ATP9B: variants seen among roughly 807,000 people sequenced by gnomAD.
ATP9B encodes probable phospholipid-transporting ATPase IIB.
ATP9B carries 110 observed loss-of-function variants against 146.1 expected under a neutral mutation model. That is an observed-to-expected ratio of 0.75 (90% CI 0.65 to 0.88). ATP9B has a LOEUF of 0.88. ATP9B is among the 40% of genes least tolerant of loss of function. The probability of loss-of-function intolerance (pLI) is 0.00; values close to 1 mark genes in which losing one functional copy is unlikely to be tolerated. For missense variants in ATP9B, 1,499 were observed against 1,496.4 expected (o/e 1.00, Z -0.03); for synonymous variants, 604 against 569.7 (o/e 1.06, Z -0.86).
chr18:79,160,692 C>T (rs974294261), intron 7 of ATP9B, among the ~76,000 whole-genome samples: 1 of 152,190 alleles, frequency 6.6e-6, no homozygotes, highest in Non-Finnish European at 1.5e-5. Context: ...AATCTGAGGG[C>T]TGGAGAATGT....
chr18:79,310,788 T>G (rs955649474), intron 15 of ATP9B, among the ~76,000 whole-genome samples: 55 of 95,630 alleles, frequency 5.8e-4, no homozygotes, highest in East Asian at 3.5e-3. Flanking sequence ...CTTCCAGGGG[T>G]TTTTTTTTGT....
intron 11 of ATP9B, among the ~76,000 whole-genome samples, chr18:79,249,470 A>G (rs1248091331): frequency 1.3e-5 from 2 of 152,238 alleles, no homozygotes; most frequent in Non-Finnish European, 2.9e-5. Context: ...GTTGAAAATA[A>G]CTTCTAAGTG....
intron 6 of ATP9B, among the ~76,000 whole-genome samples, chr18:79,150,412 C>T (rs1292489678): frequency 6.6e-6 from 1 of 152,084 alleles, no homozygotes; most frequent in Non-Finnish European, 1.5e-5. Context: ...AAAACCTGTG[C>T]AGGAATGTCT....
chr18:79,073,669 A>T (rs1464078449), intron 1 of ATP9B, among the ~76,000 whole-genome samples: 1 of 152,126 alleles, frequency 6.6e-6, no homozygotes, highest in Non-Finnish European at 1.5e-5. Flanking sequence ...GGAGACGGAG[A>T]CGACGGAGAG....
At chr18:79,325,063 C>G (rs1179617871) in intron 15 of ATP9B, among the ~76,000 whole-genome samples, 1 of 152,198 alleles carries the variant, frequency 6.6e-6, no homozygotes, top group Non-Finnish European at 1.5e-5. Context: ...AAAAGGGAGC[C>G]CACAACCCCT....
At chr18:79,287,000 T>C (rs935929489) in intron 13 of ATP9B, among the ~76,000 whole-genome samples, 12 of 152,326 alleles carry the variant, frequency 7.9e-5, no homozygotes, top group African/African-American at 2.4e-4. Flanking sequence ...CTTTTTGATG[T>C]GCTGCTGGAT....
intron 15 of ATP9B, among the ~76,000 whole-genome samples, chr18:79,314,430 T>C (rs922000828): frequency 2.0e-5 from 3 of 152,234 alleles, no homozygotes; most frequent in Non-Finnish European, 4.4e-5. Flanking sequence ...GAATCTGTAT[T>C]ATACAAATAA....
chr18:79,306,337 T>C (rs1291830070), intron 14 of ATP9B, among the ~76,000 whole-genome samples: 1 of 152,228 alleles, frequency 6.6e-6, no homozygotes, highest in Non-Finnish European at 1.5e-5. Context: ...ATGAAATCTC[T>C]GAAACATGGC....
intron 14 of ATP9B, among the ~76,000 whole-genome samples, chr18:79,306,700 G>T (rs2096622020): frequency 6.6e-6 from 1 of 152,210 alleles, no homozygotes; most frequent in Non-Finnish European, 1.5e-5. Flanking sequence ...TAGCAAATTA[G>T]TGCCATTGTT....
intron 6 of ATP9B, among the ~76,000 whole-genome samples, chr18:79,151,727 G>GTT (rs10707568): frequency 2.0e-4 from 28 of 141,784 alleles, no homozygotes; most frequent in Non-Finnish European, 3.2e-4. Context: ...ATGTAGAAGT[G>GTT]TTTTTTTTTT....
chr18:79,302,260 A>C (rs750812690), intron 13 of ATP9B, among the ~76,000 whole-genome samples: 1 of 152,222 alleles, frequency 6.6e-6, no homozygotes, highest in African/African-American at 2.4e-5. Context: ...GCTGTGAAAT[A>C]AGTGCAGAAA....
chr18:79,096,345 C>T, intron 1 of ATP9B, 131 bp from the exon 2 acceptor site: 2 of 842,170 alleles, frequency 2.4e-6, no homozygotes, highest in Admixed American at 5.3e-5. Flanking sequence ...AAAGCAGCCT[C>T]TGCAGTCTTA....
intron 11 of ATP9B, among the ~76,000 whole-genome samples, chr18:79,217,188 A>G (rs2095635256): frequency 6.6e-6 from 1 of 152,014 alleles, no homozygotes; most frequent in South Asian, 2.1e-4. Flanking sequence ...TTGTTTATTT[A>G]TTTATTTATT....
intron 13 of ATP9B, among the ~76,000 whole-genome samples, chr18:79,285,842 C>G (rs1016474632): frequency 2.0e-5 from 3 of 152,032 alleles, no homozygotes; most frequent in African/African-American, 7.3e-5. Flanking sequence ...ATGTGGCTAG[C>G]CAGTTTTCCC....
chr18:79,367,997 A>G (rs1191156251), intron 26 of ATP9B, among the ~76,000 whole-genome samples: 1 of 152,192 alleles, frequency 6.6e-6, no homozygotes, highest in Non-Finnish European at 1.5e-5. Context: ...GAGAAAAACC[A>G]GGACCTCCAC....
At chr18:79,374,655 C>T (rs544789704) in intron 28 of ATP9B, among the ~76,000 whole-genome samples, 23 of 152,374 alleles carry the variant, frequency 1.5e-4, no homozygotes, top group East Asian at 5.8e-4. Context: ...CACTTGTCCT[C>T]GTCTCAGTGC....
At chr18:79,225,555 C>T (rs1042830560) in intron 11 of ATP9B, among the ~76,000 whole-genome samples, 3 of 152,216 alleles carry the variant, frequency 2.0e-5, no homozygotes, top group East Asian at 1.9e-4. Context: ...AGTTGTAGGA[C>T]GGCCACTGTC....
chr18:79,277,282 T>C (rs2096322381), intron 13 of ATP9B, 86 bp downstream of exon 13: 1 of 1,508,284 alleles, frequency 6.6e-7, no homozygotes, highest in Non-Finnish European at 9.1e-7. Context: ...TATGTTTATG[T>C]GTATGTATAT....
At chr18:79,313,565 T>C (rs1370091495) in intron 15 of ATP9B, among the ~76,000 whole-genome samples, 1 of 152,250 alleles carries the variant, frequency 6.6e-6, no homozygotes, top group Non-Finnish European at 1.5e-5. Flanking sequence ...GTTTTAAAAA[T>C]ACTGTATTAC....
Sources: gnomAD v4.1 joint callset for allele counts (sites outside exome capture counted in the v4.1 genomes callset) on GRCh38, gnomAD v4.1.1 for gene constraint, MANE v1.5 for transcripts, NCBI Gene and HGNC (gene_info 2026-07-23, HGNC 2026-07-21) for gene names.